Variants in SGK1 observed in about 807,000 individuals in gnomAD.
SGK1 encodes serine/threonine-protein kinase Sgk1.
A neutral mutation model predicts 64.2 loss-of-function variants in SGK1; 26 were observed. The observed-to-expected ratio is 0.40, with a 90% confidence interval of 0.30 to 0.56. SGK1 has a LOEUF of 0.56. Among genes scored for constraint, SGK1 ranks in the 20% least tolerant of loss-of-function variants. The pLI is 0.38. For synonymous variants in SGK1, 265 were observed against 239.7 expected, an observed-to-expected ratio of 1.11 and a Z score of -0.98; for missense variants, 519 against 645.6, an observed-to-expected ratio of 0.80 and a Z score of 2.12.
chr6:134,253,604 G>C (rs1172771788), intron 2 of SGK1, among the ~76,000 whole-genome samples: 3 of 152,266 alleles, frequency 2.0e-5, no homozygotes, highest in Admixed American at 6.5e-5. Flanking sequence ...AGTGAGCCCT[G>C]ATTGTGCCAC....
chr6:134,174,437 C>T, intron 4 of SGK1, 74 bp downstream of exon 4: 1 of 1,076,860 alleles, frequency 9.3e-7, no homozygotes, highest in African/African-American at 1.6e-5. Context: ...TCCCGATAAA[C>T]GCCGTGATGA....
intron 1 of SGK1, among the ~76,000 whole-genome samples, chr6:134,312,850 A>G (rs1036316014): frequency 3.3e-5 from 5 of 151,938 alleles, no homozygotes. Flanking sequence ...TCAGCTCACT[A>G]CAACCTCCGC....
At chr6:134,272,306 AATTT>A (rs1176830789) in intron 1 of SGK1, among the ~76,000 whole-genome samples, 1 of 123,442 alleles carries the variant, frequency 8.1e-6, no homozygotes. Context: ...ATGACCAGCT[AATTT>A]TTTTTTTTTT....
In SGK1 at chr6:134,245,758, A is replaced by T. The variant is rs142465116; in HGVS notation, c.285+16175T>A. On this transcript the variant is annotated intron_variant, in intron 2 of 13. Coordinates refer to ENST00000367858, the MANE Select transcript of SGK1 (RefSeq NM_001143676.3). ...ATAATCCCAGAACTTTGGGAGGTTG[A>T]GGCAAGTGGATAGCTTGAGCCCAGG... is the stretch of plus-strand genomic sequence containing the variant. Among the ~76,000 whole-genome samples, 149 of 152,336 alleles carry T rather than the reference A, an allele frequency of 9.8e-4. 1 individual carries two copies. Among genetic ancestry groups the T allele is most frequent in the African/African-American group, 3.5e-3 (145 of 41,580 alleles).
At chr6:134,216,944 T>C (rs1328276803) in intron 2 of SGK1, among the ~76,000 whole-genome samples, 1 of 152,166 alleles carries the variant, frequency 6.6e-6, no homozygotes, top group Non-Finnish European at 1.5e-5. Context: ...AGCAATTCCA[T>C]GGGAGTGCAA....
At chr6:134,179,494 CTT>C (rs5880206) in intron 3 of SGK1, among the ~76,000 whole-genome samples, 15 of 128,258 alleles carry the variant, frequency 1.2e-4, no homozygotes, top group Admixed American at 3.1e-4. Flanking sequence ...AAAGGCATGT[CTT>C]TTTTTTTTTT....
intron 1 of SGK1, among the ~76,000 whole-genome samples, chr6:134,278,278 G>A (rs1041562545): frequency 9.9e-5 from 15 of 152,058 alleles, no homozygotes; most frequent in Non-Finnish European, 1.0e-4. Context: ...ATAAACAAAC[G>A]CAAAAAATCC....
intron 3 of SGK1, among the ~76,000 whole-genome samples, chr6:134,186,428 T>A (rs555290824): frequency 6.6e-6 from 1 of 152,296 alleles, no homozygotes; most frequent in South Asian, 2.1e-4. Context: ...ATGTGTTACA[T>A]GATAAAGACA....
intron 1 of SGK1, among the ~76,000 whole-genome samples, chr6:134,299,058 C>T (rs1469503066): frequency 1.3e-5 from 2 of 152,042 alleles, no homozygotes; most frequent in African/African-American, 4.8e-5. Context: ...CTCGACCTGC[C>T]AAAGTGCTGG....
At chr6:134,204,551 T>A (rs1260915090) in intron 3 of SGK1, among the ~76,000 whole-genome samples, 1 of 130,744 alleles carries the variant, frequency 7.6e-6, no homozygotes, top group African/African-American at 2.7e-5. Flanking sequence ...GTTTTTCTTG[T>A]AACTTTTTTT....
At chr6:134,215,198 C>A in intron 2 of SGK1, 1 of 406,438 alleles carries the variant, frequency 2.5e-6, no homozygotes, top group Non-Finnish European at 4.8e-6. Flanking sequence ...TGACTACAAC[C>A]TCCGCCTCCT....
chr6:134,263,893 C>T (rs948371995), intron 1 of SGK1, among the ~76,000 whole-genome samples: 8 of 152,102 alleles, frequency 5.3e-5, no homozygotes, highest in East Asian at 3.9e-4. Flanking sequence ...AAAACCCCAT[C>T]TCTACAAAAG....
At chr6:134,192,566 C>G (rs1775531434) in intron 3 of SGK1, among the ~76,000 whole-genome samples, 1 of 152,052 alleles carries the variant, frequency 6.6e-6, no homozygotes, top group African/African-American at 2.4e-5. Context: ...GTTTTACCTT[C>G]GTCTTCCTAC....
intron 3 of SGK1, among the ~76,000 whole-genome samples, chr6:134,176,187 T>C (rs1775228393): frequency 6.6e-6 from 1 of 152,100 alleles, no homozygotes; most frequent in South Asian, 2.1e-4. Context: ...GGCCTGCTCC[T>C]CTCCCGCTGT....
chr6:134,180,331 A>G (rs1775312551), intron 3 of SGK1: 1 of 152,192 alleles, frequency 6.6e-6, no homozygotes, highest in South Asian at 2.1e-4. Flanking sequence ...CATCTTGGCA[A>G]TGTTGTCAAT....
At chr6:134,240,750 T>G (rs1368126294) in intron 2 of SGK1, among the ~76,000 whole-genome samples, 1 of 152,214 alleles carries the variant, frequency 6.6e-6, no homozygotes, top group Non-Finnish European at 1.5e-5. Flanking sequence ...CCAGAATGGT[T>G]GTTTGTGAAC....
chr6:134,317,739 G>T lies in SGK1; in HGVS notation c.-279C>A. The T allele has an allele frequency of 2.7e-6, 1 of 371,846 alleles. No homozygotes were observed. The highest frequency in any genetic ancestry group is 4.9e-6 in the Non-Finnish European group (1 of 205,772). 23.0% of individuals were successfully genotyped at this position (371,846 alleles called of 1,614,324 possible). A position where few individuals can be genotyped will look rare whatever the true frequency, so the allele number is the denominator to read the frequency against. On this transcript the variant is annotated 5_prime_UTR_variant, in exon 1 of 14. Transcript: ENST00000367858. The stretch of plus-strand genomic sequence containing the variant: ...CAGGACCCTGGGGGCCGGACGGTGG[G>T]ATACGGCCAATCTCCGGGGAGATGC...
At chr6:134,286,149 G>T (rs982158283) in intron 1 of SGK1, among the ~76,000 whole-genome samples, 2 of 152,288 alleles carry the variant, frequency 1.3e-5, no homozygotes, top group East Asian at 1.9e-4. Flanking sequence ...AGGTGGTGGA[G>T]GTTTAGTATG....
At chr6:134,184,560 A>G (rs1417774353) in intron 3 of SGK1, among the ~76,000 whole-genome samples, 1 of 150,762 alleles carries the variant, frequency 6.6e-6, no homozygotes, top group African/African-American at 2.4e-5. Context: ...AAAAGTAGCC[A>G]GCAGCTGACC....
Sources: gnomAD v4.1 joint callset for allele counts (sites outside exome capture counted in the v4.1 genomes callset) on GRCh38, gnomAD v4.1.1 for gene constraint, MANE v1.5 for transcripts, NCBI Gene and HGNC (gene_info 2026-07-23, HGNC 2026-07-21) for gene names.